Variants in DMD observed in about 807,000 individuals in gnomAD.
DMD encodes the protein dystrophin.
Under a neutral mutation model 330.1 loss-of-function variants are expected in DMD, and 63 were observed. That is an observed-to-expected ratio of 0.19 (90% CI 0.16 to 0.24). The LOEUF (loss-of-function observed/expected upper bound fraction) is 0.24, where lower values mean the gene tolerates loss of function less well. Among genes scored for constraint, DMD ranks in the 10% least tolerant of loss-of-function variants. DMD has a pLI of 1.00. For synonymous variants in DMD, 1,223 were observed against 959.8 expected (o/e 1.27, Z -5.07); for missense variants, 3,344 against 2,684.1 (o/e 1.25, Z -5.43).
intron 54 of DMD, among the ~76,000 whole-genome samples, chrX:31,646,336 C>G (rs1156388276): frequency 1.8e-5 from 2 of 110,500 alleles, no homozygotes; most frequent in Admixed American, 1.9e-4. Flanking sequence ...TCTATGTTAT[C>G]TCCATATTTG....
intron 13 of DMD, among the ~76,000 whole-genome samples, chrX:32,586,336 T>C (rs193134688): frequency 9.2e-6 from 1 of 108,869 alleles, no homozygotes; most frequent in East Asian, 2.9e-4. Flanking sequence ...ATACTGCTTA[T>C]ATAAACTATA....
At chrX:32,966,784 A>C (rs973405426) in intron 2 of DMD, among the ~76,000 whole-genome samples, 4 of 111,866 alleles carry the variant, frequency 3.6e-5, no homozygotes, top group African/African-American at 1.3e-4. Flanking sequence ...GTTCTGGGAG[A>C]AGCATCCAAT....
At chrX:32,554,821 GGAGGGGGAGGGAGAGAGAGA>G (rs1313442651) in intron 16 of DMD, among the ~76,000 whole-genome samples, 511 of 7,852 alleles carry the variant, frequency 0.065, 21 homozygotes, top group African/African-American at 0.25. Context: ...AGGGAGGGAG[GGAGGGGGAGGGAGAGAGAGA>G]GAGAGAGAGA....
chrX:32,339,782 T>G (rs1364200979), intron 41 of DMD, among the ~76,000 whole-genome samples: 4 of 112,094 alleles, frequency 3.6e-5, no homozygotes, highest in African/African-American at 1.3e-4. Flanking sequence ...AACATGTTGC[T>G]GTAAAGACAT....
intron 48 of DMD, among the ~76,000 whole-genome samples, chrX:31,840,795 C>A (rs1042946630): frequency 1.3e-4 from 14 of 110,479 alleles, no homozygotes; most frequent in Non-Finnish European, 2.5e-4. Flanking sequence ...TATAGGATGG[C>A]AAACTTAATC....
At chrX:33,326,729 T>G (rs1264967847) in intron 1 of DMD, among the ~76,000 whole-genome samples, 6 of 111,812 alleles carry the variant, frequency 5.4e-5, no homozygotes, top group African/African-American at 9.7e-5. Flanking sequence ...AAGTTTTGTC[T>G]TTGAGAGAGA....
intron 56 of DMD, among the ~76,000 whole-genome samples, 179 bp downstream of exon 56, chrX:31,507,102 C>A (rs995840930): frequency 4.5e-5 from 5 of 111,718 alleles, no homozygotes; most frequent in African/African-American, 1.6e-4. Flanking sequence ...TCTGAATCCT[C>A]AAGTATCATC....
At chrX:32,811,288 A>G (rs1042659299) in intron 6 of DMD, among the ~76,000 whole-genome samples, 7 of 110,432 alleles carry the variant, frequency 6.3e-5, no homozygotes, top group Non-Finnish European at 1.3e-4. Context: ...ATAGTGAGCC[A>G]TGATTGTACC....
intron 77 of DMD, among the ~76,000 whole-genome samples, chrX:31,129,143 C>T (rs2034146490): frequency 2.7e-5 from 3 of 110,905 alleles, no homozygotes; most frequent in African/African-American, 6.5e-5. Context: ...CTAATTTCCT[C>T]GGGCACTATA....
chrX:31,484,132 TA>T (rs951485278), intron 57 of DMD, among the ~76,000 whole-genome samples: 3 of 111,751 alleles, frequency 2.7e-5, no homozygotes, highest in African/African-American at 9.7e-5. Context: ...GACTTTTTTT[TA>T]AAAAAAGACA....
At chrX:33,018,693 T>G (rs1371446484) in intron 2 of DMD, among the ~76,000 whole-genome samples, 1 of 111,928 alleles carries the variant, frequency 8.9e-6, no homozygotes, top group Admixed American at 9.5e-5. Context: ...GTCTGTATGT[T>G]TGTTTGAAAA....
intron 61 of DMD, among the ~76,000 whole-genome samples, chrX:31,341,920 C>T (rs374510442): frequency 5.5e-5 from 6 of 109,407 alleles, no homozygotes; most frequent in African/African-American, 1.3e-4. Flanking sequence ...CACACACACA[C>T]GCATGTACAC....
chrX:31,255,769 CTTTTTTTTT>C (rs146884145), intron 63 of DMD, among the ~76,000 whole-genome samples: 1 of 50,818 alleles, frequency 2.0e-5, no homozygotes, highest in East Asian at 5.5e-4. Flanking sequence ...AATATCGTTA[CTTTTTTTTT>C]TTTTTTTTTT....
chrX:31,279,014 C>T (rs2052406458), intron 62 of DMD, among the ~76,000 whole-genome samples: 1 of 112,213 alleles, frequency 8.9e-6, no homozygotes, highest in Admixed American at 9.4e-5. Flanking sequence ...GTAAAAATAA[C>T]AGCTTTAAGA....
At chrX:33,039,190 T>C (rs767768344) in intron 1 of DMD, among the ~76,000 whole-genome samples, 36 of 111,348 alleles carry the variant, frequency 3.2e-4, no homozygotes, top group African/African-American at 1.1e-3. Flanking sequence ...GTGTGAGTAT[T>C]CTAAGTTACT....
At chrX:32,486,074 G>C (rs1379666229) in intron 20 of DMD, among the ~76,000 whole-genome samples, 1 of 109,659 alleles carries the variant, frequency 9.1e-6, no homozygotes, top group South Asian at 4.0e-4. Context: ...TGGCTGTCCA[G>C]GTTTCCTCTT....
intron 19 of DMD, among the ~76,000 whole-genome samples, chrX:32,495,268 G>GT (rs1181576846): frequency 8.9e-6 from 1 of 111,765 alleles, no homozygotes; most frequent in South Asian, 3.7e-4. Flanking sequence ...TCCACTGGCA[G>GT]TATCTAATAG....
At chrX:32,013,296 A>T (rs1022818958) in intron 44 of DMD, among the ~76,000 whole-genome samples, 1 of 109,653 alleles carries the variant, frequency 9.1e-6, no homozygotes. Flanking sequence ...CATGTTGGCC[A>T]GGATGGTCTC....
chrX:31,956,464 G>T (rs754893169), intron 45 of DMD, among the ~76,000 whole-genome samples: 1 of 111,378 alleles, frequency 9.0e-6, no homozygotes, highest in Non-Finnish European at 1.9e-5. Context: ...AGGATGTAAG[G>T]GGCAGGTAAA....
Sources: allele counts gnomAD v4.1 joint callset (sites outside exome capture counted in the v4.1 genomes callset), GRCh38; gene constraint gnomAD v4.1.1; transcripts MANE v1.5; gene names NCBI Gene and HGNC (gene_info 2026-07-23, HGNC 2026-07-21).